CEP162: variants seen among roughly 807,000 people sequenced by gnomAD.
The protein encoded by CEP162 is centrosomal protein of 162 kDa.
A neutral mutation model predicts 169.2 loss-of-function variants in CEP162; 141 were observed. The observed-to-expected ratio is 0.83, with a 90% CI of 0.73 to 0.96. The LOEUF is 0.96. Among genes scored for constraint, CEP162 ranks in the 40% least tolerant of loss-of-function variants. CEP162 has a pLI of 0.00. For missense variants in CEP162, 1,600 were observed against 1,587.2 expected (o/e 1.01, Z -0.14); for synonymous variants, 540 against 526.4 (o/e 1.03, Z -0.35).
Position 84,125,103 on chromosome 6 carries a change from A to T in CEP162, c.4179T>A (p.Ala1393=). ...LHRQGVVVPV[A]FADEMNAPEY ...CTGGTGCATTCATTTCATCTGCAAAAGCAACTGGCACAACCACTCCTTGCC... is the reference window on the plus strand; with the variant it reads ...CTGGTGCATTCATTTCATCTGCAAATGCAACTGGCACAACCACTCCTTGCC... The change falls in exon 27 of 27, where the codon GCT becomes GCA. Residue 1393 remains alanine, a synonymous_variant. Transcript: ENST00000403245. The T allele has an allele frequency of 6.2e-7, 1 of 1,613,140 alleles. No individual in the cohort carries two copies. Among genetic ancestry groups the T allele is most frequent in the Non-Finnish European group, 8.5e-7 (1 of 1,179,570 alleles).
chr6:84,152,436 T>A (rs1459799910), intron 23 of CEP162, 109 bp downstream of exon 23: 1 of 560,340 alleles, frequency 1.8e-6, no homozygotes, highest in Non-Finnish European at 2.9e-6. Flanking sequence ...TATTCACTTA[T>A]GAATTCAGTT....
chr6:84,125,649 T>C (rs1428382763), intron 26 of CEP162, among the ~76,000 whole-genome samples: 1 of 152,016 alleles, frequency 6.6e-6, no homozygotes, highest in African/African-American at 2.4e-5. Context: ...AAGTGATCTC[T>C]CGCCCCTCTT....
At chr6:84,212,480 T>G (rs1360964389) in intron 6 of CEP162, among the ~76,000 whole-genome samples, 2 of 151,922 alleles carry the variant, frequency 1.3e-5, no homozygotes, top group Admixed American at 6.6e-5. Context: ...AAGTAGATTG[T>G]GATAAGGTAG....
rs1290843838 is a variant in CEP162 at position 84,164,055 on chromosome 6, C to A, written c.2386-785G>T. On this transcript the variant is annotated intron_variant, in intron 18 of 26. Transcript: ENST00000403245. ...AGTGGGTGAAGGATATAGACAGACT[C>A]TTCTCAAAAGACGACATTTATGCGG... Among the ~76,000 whole-genome samples the A allele has an allele frequency of 2.0e-5, 3 of 150,482 alleles. No homozygotes were observed. In the East Asian group the frequency reaches 5.8e-4, roughly 29 times the overall value.
At chr6:84,213,097 G>T in intron 5 of CEP162, 73 bp from the exon 6 acceptor site, 1 of 901,688 alleles carries the variant, frequency 1.1e-6, no homozygotes, top group Non-Finnish European at 1.7e-6. Flanking sequence ...TCTGTATACC[G>T]TTTTAAAAAA....
intron 12 of CEP162, 45 bp downstream of exon 12, chr6:84,186,287 C>A: frequency 1.8e-6 from 2 of 1,095,264 alleles, no homozygotes; most frequent in South Asian, 2.9e-5. Context: ...CTTTACATAA[C>A]TTCGGTTCTC....
chr6:84,170,139 C>T (rs746264746), intron 17 of CEP162, among the ~76,000 whole-genome samples: 3 of 151,798 alleles, frequency 2.0e-5, no homozygotes, highest in South Asian at 2.1e-4. Flanking sequence ...GTTGGGAGGC[C>T]GAGGCAGGTG....
intron 13 of CEP162, among the ~76,000 whole-genome samples, chr6:84,182,998 C>T (rs1448884128): frequency 6.6e-6 from 1 of 152,030 alleles, no homozygotes; most frequent in Non-Finnish European, 1.5e-5. Context: ...AATTATAGTT[C>T]CTCTGAATAA....
chr6:84,155,728 C>G (rs1434119448), intron 21 of CEP162: 2 of 501,428 alleles, frequency 4.0e-6, no homozygotes, highest in Non-Finnish European at 7.1e-6. Context: ...ATAAAGAAAA[C>G]CGTGACACAA....
chr6:84,193,695 G>C lies in CEP162; in HGVS notation c.1028-5C>G, dbSNP rs1170033056. 1 of 1,542,588 alleles carries C rather than the reference G, an allele frequency of 6.5e-7. No homozygotes were observed. The highest frequency in any genetic ancestry group is 1.2e-5 in the South Asian group (1 of 81,252). ...GCTCCTCTACTGTGGGCAGATCTAA[G>C]AGGTGGAAAAAAAAGTAGAAACGAA... is the stretch of plus-strand genomic sequence containing the variant. On this transcript the variant is annotated splice_region_variant and splice_polypyrimidine_tract_variant and intron_variant, in intron 10 of 26. Coordinates refer to ENST00000403245, the MANE Select transcript of CEP162 (RefSeq NM_014895.4).
At chr6:84,166,829 T>C (rs1208862501) in intron 18 of CEP162, among the ~76,000 whole-genome samples, 1 of 152,178 alleles carries the variant, frequency 6.6e-6, no homozygotes, top group African/African-American at 2.4e-5. Context: ...CTTGACATGA[T>C]TATTTTGTTG....
chr6:84,125,664 T>C (rs1320466431), intron 26 of CEP162, among the ~76,000 whole-genome samples: 2 of 152,008 alleles, frequency 1.3e-5, no homozygotes, highest in Non-Finnish European at 2.9e-5. Flanking sequence ...CCTCTTCCTC[T>C]CCTCTGCACA....
chr6:84,178,626 T>C (rs1223001613), intron 13 of CEP162, among the ~76,000 whole-genome samples: 2 of 152,204 alleles, frequency 1.3e-5, no homozygotes, highest in Non-Finnish European at 2.9e-5. Flanking sequence ...ATGTGCAAGA[T>C]GCCAAGCTAG....
chr6:84,146,689 CTTT>C lies in CEP162; in HGVS notation c.3865_3867del (p.Lys1289del). 1 of 1,528,520 alleles carries C rather than the reference CTTT, an allele frequency of 6.5e-7. No homozygotes were observed. The highest frequency in any genetic ancestry group is 8.9e-7 in the Non-Finnish European group (1 of 1,124,438). 94.7% of individuals were successfully genotyped at this position (1,528,520 alleles called of 1,614,324 possible). A position where few individuals can be genotyped will look rare whatever the true frequency, so the allele number is the denominator to read the frequency against. ...CCAATATTTTGGCCATTTCTTACCT[CTTT>C]CTGTAGAATTTCTTCTCGAACTTCA... On this transcript the variant is annotated inframe_deletion, in exon 25 of 27. Coordinates refer to ENST00000403245, the MANE Select transcript of CEP162 (RefSeq NM_014895.4).
At chr6:84,191,909 A>C (rs2099540108) in intron 11 of CEP162, among the ~76,000 whole-genome samples, 1 of 152,344 alleles carries the variant, frequency 6.6e-6, no homozygotes, top group African/African-American at 2.4e-5. Flanking sequence ...GGTTCCTACC[A>C]ATGGAATGTG....
chr6:84,178,738 C>T (rs953801787), intron 13 of CEP162, among the ~76,000 whole-genome samples: 3 of 152,122 alleles, frequency 2.0e-5, no homozygotes, highest in Admixed American at 1.3e-4. Flanking sequence ...TATACATGTT[C>T]CATGTTGGTG....
At chr6:84,125,424 T>C (rs1174437056) in intron 26 of CEP162, 148 bp from the exon 27 acceptor site, 3 of 687,528 alleles carry the variant, frequency 4.4e-6, no homozygotes, top group Non-Finnish European at 7.6e-6. Flanking sequence ...TTTTCTGTCT[T>C]CAAGGAGTAT....
intron 13 of CEP162, among the ~76,000 whole-genome samples, chr6:84,175,691 TAATC>T (rs1270483531): frequency 6.6e-6 from 1 of 152,154 alleles, no homozygotes; most frequent in Non-Finnish European, 1.5e-5. Flanking sequence ...TTCATAGCAA[TAATC>T]AATCAAAATT....
rs1363998222 is a variant in CEP162, at chr6:84,124,926, C to G, written c.*144G>C. The G allele has an allele frequency of 4.4e-6, 3 of 677,298 alleles. No homozygotes were observed. The highest frequency in any genetic ancestry group is 1.8e-5 in the African/African-American group (1 of 54,158). The allele number at this position is 677,298 out of a possible 1,614,324, so 42.0% of individuals were successfully genotyped here. The stretch of plus-strand genomic sequence containing the variant: ...TGTTTTTTTTCTTATTGGTTAAAGG[C>G]AATTTATTTTGAAATGTTGCTTTGG... On this transcript the variant is annotated 3_prime_UTR_variant, in exon 27 of 27. Coordinates refer to ENST00000403245, the MANE Select transcript of CEP162 (RefSeq NM_014895.4).
Sources: allele counts gnomAD v4.1 joint callset (sites outside exome capture counted in the v4.1 genomes callset), GRCh38; gene constraint gnomAD v4.1.1; transcripts MANE v1.5; gene names NCBI Gene and HGNC (gene_info 2026-07-23, HGNC 2026-07-21).